Variants in NRG1 observed in about 807,000 individuals in gnomAD.
The protein encoded by NRG1 is pro-neuregulin-1, membrane-bound isoform.
NRG1 carries 18 observed loss-of-function variants against 63.8 expected under a neutral mutation model. The observed-to-expected ratio is 0.28, with a 90% CI of 0.19 to 0.42. The LOEUF is 0.42. NRG1 is among the 10% of genes least tolerant of loss of function. The probability of loss-of-function intolerance (pLI) is 1.00; values close to 1 mark genes in which losing one functional copy is unlikely to be tolerated. For missense variants in NRG1, 762 were observed against 814.7 expected (o/e 0.94, Z 0.79); for synonymous variants, 302 against 301.3 (o/e 1.00, Z -0.02).
At chr8:31,956,040 C>CAAAAAAAAAAAAAAA (rs11386219) in intron 1 of NRG1, among the ~76,000 whole-genome samples, 1 of 128,124 alleles carries the variant, frequency 7.8e-6, no homozygotes, top group African/African-American at 3.6e-5. Context: ...GAACCTGTCT[C>CAAAAAAAAAAAAAAA]AAAAAAAAAA....
intron 1 of NRG1, among the ~76,000 whole-genome samples, chr8:32,108,408 C>G (rs1268340957): frequency 1.3e-5 from 2 of 152,110 alleles, no homozygotes; most frequent in Admixed American, 1.3e-4. Context: ...ATGTTCTCAC[C>G]TGGCAGAAGA....
In NRG1 at chr8:31,731,417, T is replaced by TACACACACACAC. The variant is rs139927733; in HGVS notation, c.37+92004_37+92015dup. 6.0e-3 allele frequency among the ~76,000 whole-genome samples: 896 copies of TACACACACACAC among 148,396 alleles called. 10 individuals carry two copies. The highest frequency in any genetic ancestry group is 0.021 in the African/African-American group (850 of 40,340). On this transcript the variant is annotated intron_variant, in intron 1 of 10. Transcript: ENST00000519301. ...AAAAGTAGGATACAAAATTATGTCATACACACACACACACACACACACACA... is the reference window on the plus strand; with the variant it reads ...AAAAGTAGGATACAAAATTATGTCATACACACACACACACACACACACACACACACACACACA...
intron 1 of NRG1, among the ~76,000 whole-genome samples, chr8:32,385,198 C>T (rs367867127): frequency 2.7e-5 from 4 of 150,714 alleles, no homozygotes; most frequent in African/African-American, 2.4e-5. Context: ...TTTTTTTTTT[C>T]TCTATTTTTA....
chr8:31,787,625 T>C (rs1157788106), intron 1 of NRG1, among the ~76,000 whole-genome samples: 3 of 152,218 alleles, frequency 2.0e-5, no homozygotes, highest in African/African-American at 7.2e-5. Flanking sequence ...ACAGTGTTTA[T>C]TTTAATAATT....
chr8:32,616,892 A>G lies in NRG1; in HGVS notation c.502+7A>G. The G allele has an allele frequency of 6.4e-7, 1 of 1,567,738 alleles. No homozygotes were observed. The highest frequency in any genetic ancestry group is 8.8e-7 in the Non-Finnish European group (1 of 1,138,240). On this transcript the variant is annotated splice_region_variant and intron_variant, in intron 5 of 11. Transcript: ENST00000356819. ...GGAGCAAATACTTCTTCATGTAAGTATACTTAAATATTCTATTCACTGGTT... is the reference window on the plus strand; with the variant it reads ...GGAGCAAATACTTCTTCATGTAAGTGTACTTAAATATTCTATTCACTGGTT...
chr8:31,786,317 T>G (rs1371455678), intron 1 of NRG1, among the ~76,000 whole-genome samples: 1 of 152,184 alleles, frequency 6.6e-6, no homozygotes, highest in Non-Finnish European at 1.5e-5. Context: ...AACCAAAGTG[T>G]CTTTTCTATT....
chr8:32,121,567 C>T (rs750225775), intron 1 of NRG1, among the ~76,000 whole-genome samples: 17 of 151,946 alleles, frequency 1.1e-4, no homozygotes, highest in Admixed American at 2.0e-4. Context: ...ACTACTGAGC[C>T]ATTTTCTTCT....
chr8:32,299,556 C>T (rs140876062), intron 1 of NRG1, among the ~76,000 whole-genome samples: 535 of 152,202 alleles, frequency 3.5e-3, no homozygotes, highest in South Asian at 0.021. Context: ...ATAATAATTT[C>T]GCTCCCTGTG....
chr8:32,748,305 CCA>C (rs1827875447), intron 7 of NRG1, among the ~76,000 whole-genome samples: 1 of 149,904 alleles, frequency 6.7e-6, no homozygotes, highest in South Asian at 2.1e-4. Context: ...TGCTTCTTGA[CCA>C]CACACATAGG....
chr8:32,417,721 C>T (rs933126910), intron 1 of NRG1, among the ~76,000 whole-genome samples: 21 of 51,120 alleles, frequency 4.1e-4, no homozygotes, highest in African/African-American at 9.1e-4. Context: ...TCTAGTCACA[C>T]GGGGGTGGAG....
chr8:31,666,176 C>T (rs1563271508), intron 1 of NRG1, among the ~76,000 whole-genome samples: 1 of 152,102 alleles, frequency 6.6e-6, no homozygotes, highest in African/African-American at 2.4e-5. Context: ...GATTTCTGAG[C>T]GGCTTTAAAG....
intron 1 of NRG1, among the ~76,000 whole-genome samples, chr8:32,296,447 C>G (rs1388655176): frequency 1.3e-5 from 2 of 151,922 alleles, no homozygotes; most frequent in African/African-American, 4.8e-5. Context: ...AACCTCGTCT[C>G]TACTGAAAAT....
At position 31,907,179 on chromosome 8, in the gene NRG1, C is replaced by T. The variant is rs962145585; in HGVS notation, c.37+267748C>T. ...TCCTGAGTCTCATAAACAGCAACAT[C>T]CTCCAACGTAAATGACAGTGAAAGA... is the stretch of plus-strand genomic sequence containing the variant. On this transcript the variant is annotated intron_variant, in intron 1 of 10. Coordinates refer to the NRG1 transcript ENST00000519301. Among the ~76,000 whole-genome samples, 8 of 151,880 alleles carry T rather than the reference C, an allele frequency of 5.3e-5. No individual in the cohort carries two copies. In the East Asian group the frequency reaches 1.4e-3, roughly 26 times the overall value.
intron 1 of NRG1, among the ~76,000 whole-genome samples, chr8:31,649,166 G>T (rs2130870198): frequency 6.6e-6 from 1 of 152,206 alleles, no homozygotes; most frequent in South Asian, 2.1e-4. Flanking sequence ...TGTTGGCCAG[G>T]CAGGTCTTGA....
intron 1 of NRG1, among the ~76,000 whole-genome samples, chr8:31,953,218 A>G (rs1185815934): frequency 6.6e-6 from 1 of 152,234 alleles, no homozygotes; most frequent in Non-Finnish European, 1.5e-5. Flanking sequence ...GGAAGTAGAA[A>G]GATGTCTGCA....
intron 5 of NRG1, among the ~76,000 whole-genome samples, chr8:32,649,124 T>G (rs1252231387): frequency 6.6e-6 from 1 of 152,104 alleles, no homozygotes; most frequent in African/African-American, 2.4e-5. Flanking sequence ...CCTTGGCAGT[T>G]GTTAAAAAGT....
intron 1 of NRG1, among the ~76,000 whole-genome samples, chr8:32,368,904 C>A (rs1587129378): frequency 6.6e-6 from 1 of 152,176 alleles, no homozygotes; most frequent in Admixed American, 6.6e-5. Context: ...TCAGAGATAA[C>A]CACTGTTAGG....
chr8:31,669,631 G>A (rs1022462495), intron 1 of NRG1, among the ~76,000 whole-genome samples: 1 of 152,196 alleles, frequency 6.6e-6, no homozygotes, highest in Non-Finnish European at 1.5e-5. Context: ...AGTCTCCCAT[G>A]TGGACAGTCT....
chr8:31,639,398 G>A (rs1484044163), exon 1 of NRG1: 1 of 1,534,826 alleles, frequency 6.5e-7, no homozygotes, highest in African/African-American at 1.4e-5. Flanking sequence ...CAGCAGCATG[G>A]GGAAAGGACG....
Sources: allele counts gnomAD v4.1 joint callset (sites outside exome capture counted in the v4.1 genomes callset), GRCh38; gene constraint gnomAD v4.1.1; transcripts MANE v1.5; gene names NCBI Gene and HGNC (gene_info 2026-07-23, HGNC 2026-07-21).